Variants in TNFRSF21 observed in about 807,000 individuals in gnomAD.
The protein encoded by TNFRSF21 is tumor necrosis factor receptor superfamily member 21.
A neutral mutation model predicts 45.6 loss-of-function variants in TNFRSF21; 19 were observed. That is an observed-to-expected ratio of 0.42 (90% confidence interval 0.29 to 0.61). TNFRSF21 has a LOEUF of 0.61. Ranked by LOEUF, TNFRSF21 falls within the 20% of genes least tolerant of loss-of-function variation. TNFRSF21 has a pLI of 0.23. For missense variants in TNFRSF21, 737 were observed against 851.5 expected (o/e 0.87, Z 1.67); for synonymous variants, 314 against 335.5 (o/e 0.94, Z 0.70).
chr6:47,286,050 GA>G lies in TNFRSF21; in HGVS notation c.641del (p.Leu214ProfsTer38). 1 of 1,614,216 alleles carries G rather than the reference GA, an allele frequency of 6.2e-7. No individual in the cohort carries two copies. Among genetic ancestry groups the G allele is most frequent in the Non-Finnish European group, 8.5e-7 (1 of 1,180,042 alleles). ...TKETDNVCGTLPSFSSSTSPS... is the reference protein window; with the variant it reads ...TKETDNVCGTXPSFSSSTSPS... The stretch of plus-strand genomic sequence containing the variant: ...GTGAGGTGGAGCTGGAGAAGGACGG[GA>G]GTGTGCCACAGACGTTGTCTGTCTC... On this transcript the variant is annotated frameshift_variant, in exon 2 of 6. Transcript: ENST00000296861. LOFTEE classifies it high-confidence loss of function.
At chr6:47,278,764 G>A (rs867409502) in intron 3 of TNFRSF21, among the ~76,000 whole-genome samples, 9 of 152,174 alleles carry the variant, frequency 5.9e-5, no homozygotes, top group Non-Finnish European at 1.2e-4. Context: ...TTGCCCTTTT[G>A]CTGTAGAGGA....
intron 4 of TNFRSF21, 107 bp downstream of exon 4, chr6:47,253,147 TGC>T: frequency 7.6e-7 from 1 of 1,311,176 alleles, no homozygotes; most frequent in Non-Finnish European, 1.0e-6. Context: ...TGTGTGTGTG[TGC>T]CTATCCACCG....
At chr6:47,250,718 A>G (rs957479545) in intron 4 of TNFRSF21, among the ~76,000 whole-genome samples, 16 of 152,254 alleles carry the variant, frequency 1.1e-4, no homozygotes, top group African/African-American at 3.9e-4. Flanking sequence ...CCATCACAGG[A>G]TGAGAATAAG....
chr6:47,257,370 A>G (rs1199796229), intron 3 of TNFRSF21, among the ~76,000 whole-genome samples: 1 of 152,144 alleles, frequency 6.6e-6, no homozygotes, highest in Non-Finnish European at 1.5e-5. Flanking sequence ...CATGGAGTCA[A>G]CTCCATGAAC....
chr6:47,260,986 G>C (rs1765066262), intron 3 of TNFRSF21, among the ~76,000 whole-genome samples: 2 of 152,178 alleles, frequency 1.3e-5, no homozygotes, highest in African/African-American at 4.8e-5. Flanking sequence ...TCCCAGGACA[G>C]ACAACTCCAC....
intron 1 of TNFRSF21, among the ~76,000 whole-genome samples, chr6:47,298,752 A>G (rs539157540): frequency 1.3e-5 from 2 of 152,310 alleles, no homozygotes; most frequent in East Asian, 3.9e-4. Flanking sequence ...AAAGCTGAAG[A>G]TATATACTAT....
chr6:47,278,395 T>A (rs1292310341), intron 3 of TNFRSF21, among the ~76,000 whole-genome samples: 2 of 152,226 alleles, frequency 1.3e-5, no homozygotes, highest in Non-Finnish European at 2.9e-5. Flanking sequence ...GGCAATGTCC[T>A]TTATCTGTCC....
chr6:47,232,563 TAAA>T lies in TNFRSF21; in HGVS notation c.*199_*201del. 1 of 498,754 alleles carries T rather than the reference TAAA, an allele frequency of 2.0e-6. No homozygotes were observed. Among genetic ancestry groups the T allele is most frequent in the Non-Finnish European group, 3.5e-6 (1 of 286,008 alleles). The allele number at this position is 498,754 out of a possible 1,614,324, so 30.9% of individuals were successfully genotyped here. ...AAACCAACTTCCCAGAAGAGTTATTTAAAAAAAAAAGAGAGAGAGAGAAGGAGA... is the reference window on the plus strand; with the variant it reads ...AAACCAACTTCCCAGAAGAGTTATTTAAAAAAAGAGAGAGAGAGAAGGAGA... On this transcript the variant is annotated 3_prime_UTR_variant, in exon 6 of 6. Transcript: ENST00000296861.
intron 4 of TNFRSF21, among the ~76,000 whole-genome samples, chr6:47,235,304 G>T (rs774523107): frequency 7.2e-5 from 11 of 152,174 alleles, no homozygotes; most frequent in Admixed American, 6.5e-5. Flanking sequence ...TTCAGAATGC[G>T]ACTACTGTGA....
At chr6:47,269,701 C>T (rs1762384392) in intron 3 of TNFRSF21, among the ~76,000 whole-genome samples, 1 of 152,116 alleles carries the variant, frequency 6.6e-6, no homozygotes, top group Non-Finnish European at 1.5e-5. Flanking sequence ...AACAGCAGAA[C>T]AAAGAGGGAG....
intron 4 of TNFRSF21, 103 bp from the exon 5 acceptor site, chr6:47,235,001 A>G (rs1041515601): frequency 1.7e-6 from 1 of 586,558 alleles, no homozygotes; most frequent in African/African-American, 2.0e-5. Context: ...AACATTTTAT[A>G]TATACATCCT....
At chr6:47,254,177 T>C (rs1764947142) in intron 3 of TNFRSF21, among the ~76,000 whole-genome samples, 2 of 152,146 alleles carry the variant, frequency 1.3e-5, no homozygotes, top group Non-Finnish European at 2.9e-5. Context: ...GTGGTACCAG[T>C]ACTGAGACAG....
In TNFRSF21 at chr6:47,261,637, G is replaced by C. The variant is rs149173313; in HGVS notation, c.1244-8116C>G. 1.6e-3 allele frequency among the ~76,000 whole-genome samples: 250 copies of C among 152,344 alleles called. 2 individuals are homozygous for C. In the South Asian group the frequency reaches 0.024, roughly 15 times the overall value. On this transcript the variant is annotated intron_variant, in intron 3 of 5. Coordinates refer to ENST00000296861, the MANE Select transcript of TNFRSF21 (RefSeq NM_014452.5). ...CTGGGCTCCCAGGGACCCTGTTCTT[G>C]TACAAGGGCCTCTCCCTCTGCCAGT...
intron 3 of TNFRSF21, among the ~76,000 whole-genome samples, chr6:47,264,508 C>T (rs1582332189): frequency 6.6e-6 from 1 of 152,112 alleles, no homozygotes; most frequent in East Asian, 1.9e-4. Context: ...GAGCAAGACT[C>T]CATCTCAAAA....
At position 47,284,001 on chromosome 6, in the gene TNFRSF21, G is replaced by A. The variant is rs760861603; in HGVS notation, c.1180C>T (p.Leu394=). The change falls in exon 3 of 6, where the codon CTG becomes TTG. Residue 394 remains leucine (L), a synonymous_variant. Transcript: ENST00000296861. ...DPSAIVEKAG[L]KKSMTPTQNR... is the part of the protein sequence containing the mutation. Reference sequence around the variant, plus strand: ...TGGGTTGGAGTCATGGATTTCTTCAGCCCTGCCTTTTCCACAATGGCACTG... The same window carrying A: ...TGGGTTGGAGTCATGGATTTCTTCAACCCTGCCTTTTCCACAATGGCACTG... 1.9e-6 allele frequency: 3 copies of A among 1,614,042 alleles called. No homozygotes were observed. In the Admixed American group the frequency reaches 5.0e-5, roughly 27 times the overall value.
intron 1 of TNFRSF21, among the ~76,000 whole-genome samples, chr6:47,291,519 A>C (rs766367876): frequency 6.6e-6 from 1 of 152,170 alleles, no homozygotes; most frequent in African/African-American, 2.4e-5. Context: ...GGTCAGCTGA[A>C]TTTGGTGAAT....
chr6:47,286,361 G>A lies in TNFRSF21; in HGVS notation c.331C>T (p.Gln111Ter). The change falls in exon 2 of 6, where the codon CAG (glutamine) becomes TAG (stop). Residue 111 changes from glutamine (Q) to a stop codon, truncating the protein, a stop_gained. Coordinates refer to ENST00000296861, the MANE Select transcript of TNFRSF21 (RefSeq NM_014452.5). LOFTEE classifies it high-confidence loss of function. ...NGIEKCHDCS[Q>*]PCPWPMIEKL... ...TCAATCATTGGCCATGGGCATGGCTGACTACAGTCATGGCATTTCTCTATG... is the reference window on the plus strand; with the variant it reads ...TCAATCATTGGCCATGGGCATGGCTAACTACAGTCATGGCATTTCTCTATG... The A allele has an allele frequency of 1.2e-6, 2 of 1,614,246 alleles. No individual in the cohort carries two copies. The highest frequency in any genetic ancestry group is 1.7e-6 in the Non-Finnish European group (2 of 1,180,040).
Position 47,256,811 on chromosome 6 carries a change from A to C in TNFRSF21, c.1244-3290T>G, listed in dbSNP as rs115762749. On this transcript the variant is annotated intron_variant, in intron 3 of 5. Coordinates refer to ENST00000296861, the MANE Select transcript of TNFRSF21 (RefSeq NM_014452.5). ...CACCAAAAGTCTTGTTAGTCCCTGAATCTTAATTTAGATCAATTTGACTAA... is the reference window on the plus strand; with the variant it reads ...CACCAAAAGTCTTGTTAGTCCCTGACTCTTAATTTAGATCAATTTGACTAA... Among the ~76,000 whole-genome samples, 612 of 152,304 alleles carry C rather than the reference A, an allele frequency of 4.0e-3. 2 individuals carry two copies. The highest frequency in any genetic ancestry group is 0.011 in the African/African-American group (475 of 41,568).
intron 1 of TNFRSF21, among the ~76,000 whole-genome samples, chr6:47,296,470 G>A (rs564042810): frequency 4.6e-5 from 7 of 152,230 alleles, no homozygotes; most frequent in Non-Finnish European, 1.0e-4. Context: ...GTATGCTAAT[G>A]AGATGATTGT....
Sources: allele counts gnomAD v4.1 joint callset (sites outside exome capture counted in the v4.1 genomes callset), GRCh38; gene constraint gnomAD v4.1.1; transcripts MANE v1.5; gene names NCBI Gene and HGNC (gene_info 2026-07-23, HGNC 2026-07-21).